The following CFAP96 variants were observed in gnomAD, a reference collection of about 807,000 sequenced individuals.
CFAP96 encodes cilia and flagella associated protein 96.
At chr4:185,426,276 G>T in the CFAP96 span, 1 of 177,310 alleles carries the variant, frequency 5.6e-6, no homozygotes, top group African/African-American at 2.3e-5. Context: ...CAGCCCAGGC[G>T]TGTCGCGCGC....
chr4:185,427,851 C>A, the CFAP96 span, among the ~76,000 whole-genome samples: 3 of 149,798 alleles, frequency 2.0e-5, no homozygotes, highest in Non-Finnish European at 4.5e-5. Context: ...TTTGGGAAGC[C>A]GAGGCAGGTG....
chr4:185,443,342 A>ATATAT, the CFAP96 span, among the ~76,000 whole-genome samples: 5 of 26,726 alleles, frequency 1.9e-4, no homozygotes, highest in African/African-American at 4.6e-4. Flanking sequence ...ATATATATAT[A>ATATAT]TTTTTTTTTT....
chr4:185,413,853 T>C, the CFAP96 span: 524 of 1,606,918 alleles, frequency 3.3e-4, 8 homozygotes, highest in Admixed American at 8.5e-3. Flanking sequence ...GTGAGGCAGA[T>C]TGAAAAGATC....
the CFAP96 span, among the ~76,000 whole-genome samples, chr4:185,408,720 A>G: frequency 6.6e-6 from 1 of 152,020 alleles, no homozygotes; most frequent in Admixed American, 6.6e-5. Context: ...GTTCCCATAT[A>G]CCAGGGGCAA....
At chr4:185,426,070 A>G in the CFAP96 span, 1 of 616,264 alleles carries the variant, frequency 1.6e-6, no homozygotes, top group Middle Eastern at 4.4e-4. Flanking sequence ...GTAGCCGAAG[A>G]CTTATGTTTG....
chr4:185,438,992 G>A, the CFAP96 span, among the ~76,000 whole-genome samples: 1 of 152,178 alleles, frequency 6.6e-6, no homozygotes, highest in African/African-American at 2.4e-5. Context: ...CTGCTGACCA[G>A]TACTCAACTG....
chr4:185,414,826 GA>G, the CFAP96 span, among the ~76,000 whole-genome samples: 12 of 152,088 alleles, frequency 7.9e-5, no homozygotes, highest in Admixed American at 5.2e-4. Context: ...GAAAGTTATA[GA>G]AATCTGTTAA....
the CFAP96 span, among the ~76,000 whole-genome samples, chr4:185,439,869 A>G: frequency 1.3e-5 from 2 of 148,166 alleles, no homozygotes; most frequent in Non-Finnish European, 3.0e-5. Context: ...TTTTTAAATT[A>G]TAAAAATGTT....
chr4:185,440,928 A>G, the CFAP96 span, among the ~76,000 whole-genome samples: 1 of 129,744 alleles, frequency 7.7e-6, no homozygotes, highest in Non-Finnish European at 1.6e-5. Flanking sequence ...AGTAATTATT[A>G]GTCTCTTCAA....
At chr4:185,422,016 G>T in the CFAP96 span, among the ~76,000 whole-genome samples, 8 of 152,288 alleles carry the variant, frequency 5.3e-5, no homozygotes, top group African/African-American at 1.9e-4. Context: ...TGTGGCTGTA[G>T]TTCAAGTCAG....
chr4:185,431,500 T>C, the CFAP96 span, among the ~76,000 whole-genome samples: 37 of 152,266 alleles, frequency 2.4e-4, 1 homozygote, highest in African/African-American at 8.0e-4. Context: ...ATAAAACTGC[T>C]ATGAACATTC....
chr4:185,445,934 C>T, the CFAP96 span, among the ~76,000 whole-genome samples: 1 of 152,120 alleles, frequency 6.6e-6, no homozygotes, highest in Non-Finnish European at 1.5e-5. Flanking sequence ...CTCCACCTCC[C>T]AGGTTCAAGC....
chr4:185,413,298 G>A, the CFAP96 span, among the ~76,000 whole-genome samples: 1 of 152,172 alleles, frequency 6.6e-6, no homozygotes, highest in South Asian at 2.1e-4. Context: ...TGAGGCAGGA[G>A]AATTGCTTGA....
the CFAP96 span, chr4:185,426,135 G>A: frequency 1.8e-6 from 1 of 543,460 alleles, no homozygotes; most frequent in Non-Finnish European, 3.3e-6. Context: ...ACATCCTTCT[G>A]TGTGTTCTTC....
chr4:185,413,677 A>G, the CFAP96 span: 6 of 1,546,830 alleles, frequency 3.9e-6, no homozygotes, highest in Middle Eastern at 1.7e-4. Context: ...AAAAACAACT[A>G]ATAACATTAC....
chr4:185,423,159 G>A, the CFAP96 span, among the ~76,000 whole-genome samples: 1 of 152,154 alleles, frequency 6.6e-6, no homozygotes, highest in Non-Finnish European at 1.5e-5. Flanking sequence ...GCGCCCAGCT[G>A]GCACAGGGAT....
the CFAP96 span, among the ~76,000 whole-genome samples, chr4:185,438,186 C>T: frequency 6.6e-6 from 1 of 151,926 alleles, no homozygotes; most frequent in Non-Finnish European, 1.5e-5. Flanking sequence ...ATCTGTCTTT[C>T]TCTTCCCCTT....
chr4:185,441,477 A>G, the CFAP96 span, among the ~76,000 whole-genome samples: 1 of 151,694 alleles, frequency 6.6e-6, no homozygotes, highest in South Asian at 2.1e-4. Flanking sequence ...TTTGGTTATG[A>G]TGTTTTGTGC....
chr4:185,433,770 T>C, the CFAP96 span, among the ~76,000 whole-genome samples: 1 of 151,706 alleles, frequency 6.6e-6, no homozygotes, highest in East Asian at 1.9e-4. Context: ...GGCGTGGTGG[T>C]GGGCGCCTGT....
Sources: gnomAD v4.1 joint callset for allele counts (sites outside exome capture counted in the v4.1 genomes callset) on GRCh38, gnomAD v4.1.1 for gene constraint, MANE v1.5 for transcripts, NCBI Gene and HGNC (gene_info 2026-07-23, HGNC 2026-07-21) for gene names.